Variants in JAZF1 observed in about 807,000 individuals in gnomAD.
The protein encoded by JAZF1 is JAZF zinc finger 1, also known as juxtaposed with another zinc finger protein 1.
A neutral mutation model predicts 26.4 loss-of-function variants in JAZF1; 8 were observed. The observed-to-expected ratio is 0.30, with a 90% CI of 0.18 to 0.55. The LOEUF (loss-of-function observed/expected upper bound fraction) is 0.55. Ranked by LOEUF, JAZF1 falls within the 20% of genes least tolerant of loss-of-function variation. The pLI is 0.94. For synonymous variants in JAZF1, 126 were observed against 122.3 expected (o/e 1.03, Z -0.20); for missense variants, 199 against 322.0 (o/e 0.62, Z 2.92).
At position 27,956,515 on chromosome 7, in the gene JAZF1, T is replaced by G. The variant is rs550129227; in HGVS notation, c.188+35394A>C. On this transcript the variant is annotated intron_variant, in intron 2 of 4. Transcript: ENST00000283928. ...ACTTGCTCATTATTATTCCCTAATA[T>G]CCCCTCCACTTGGAATCTTCATTTA... Among the ~76,000 whole-genome samples, 24 of 152,292 alleles carry G rather than the reference T, an allele frequency of 1.6e-4. No individual in the cohort carries two copies. The South Asian group carries it at 4.6e-3, about 29-fold the overall frequency.
intron 1 of JAZF1, among the ~76,000 whole-genome samples, chr7:28,031,968 C>A (rs992917278): frequency 6.6e-6 from 1 of 152,178 alleles, no homozygotes; most frequent in Non-Finnish European, 1.5e-5. Flanking sequence ...CACATGGGAA[C>A]CTGCAATGGG....
intron 1 of JAZF1, among the ~76,000 whole-genome samples, chr7:28,026,091 C>A (rs1783088836): frequency 6.6e-6 from 1 of 152,100 alleles, no homozygotes; most frequent in Non-Finnish European, 1.5e-5. Context: ...TCATAAGGAG[C>A]CCCTTTACCT....
chr7:28,035,130 G>A (rs760668055), intron 1 of JAZF1, among the ~76,000 whole-genome samples: 13 of 151,406 alleles, frequency 8.6e-5, no homozygotes, highest in Non-Finnish European at 1.5e-4. Flanking sequence ...CAGCCTGGCC[G>A]ACATGGTGAA....
At chr7:28,155,670 A>G (rs1050226597) in intron 1 of JAZF1, among the ~76,000 whole-genome samples, 1 of 152,214 alleles carries the variant, frequency 6.6e-6, no homozygotes, top group Admixed American at 6.5e-5. Flanking sequence ...TTCAGCAACT[A>G]CAACCTCCAC....
At chr7:27,883,661 A>T (rs1230070493) in intron 3 of JAZF1, among the ~76,000 whole-genome samples, 1 of 152,188 alleles carries the variant, frequency 6.6e-6, no homozygotes, top group Admixed American at 6.5e-5. Flanking sequence ...AATATTCTCA[A>T]TGTAAGGAAG....
chr7:27,930,835 A>ATTT (rs1330175378), intron 2 of JAZF1, among the ~76,000 whole-genome samples: 24 of 151,092 alleles, frequency 1.6e-4, no homozygotes, highest in East Asian at 1.4e-3. Flanking sequence ...ATTTTTTTTA[A>ATTT]AAAAAAAAGG....
chr7:28,150,039 AG>A (rs546584907), intron 1 of JAZF1, among the ~76,000 whole-genome samples: 68 of 152,302 alleles, frequency 4.5e-4, no homozygotes, highest in African/African-American at 1.6e-3. Flanking sequence ...CTTTGAAGAT[AG>A]GTTTTCTGAA....
chr7:27,945,804 T>C (rs555611357), intron 2 of JAZF1, among the ~76,000 whole-genome samples: 3 of 152,352 alleles, frequency 2.0e-5, no homozygotes, highest in African/African-American at 2.4e-5. Context: ...TCTAGAATTC[T>C]GGGCCAATTC....
At chr7:28,127,913 T>C (rs972347620) in intron 1 of JAZF1, among the ~76,000 whole-genome samples, 40 of 152,018 alleles carry the variant, frequency 2.6e-4, no homozygotes, top group Admixed American at 2.6e-3. Context: ...TCATGAGAAG[T>C]GCCCTCATGA....
intron 2 of JAZF1, among the ~76,000 whole-genome samples, chr7:27,991,439 T>C (rs1785901447): frequency 6.6e-6 from 1 of 152,180 alleles, no homozygotes; most frequent in Non-Finnish European, 1.5e-5. Context: ...CAAGTTACTC[T>C]ACAGCTGGGG....
chr7:28,015,193 G>A (rs1461972946), intron 1 of JAZF1, among the ~76,000 whole-genome samples: 2 of 152,020 alleles, frequency 1.3e-5, no homozygotes, highest in African/African-American at 2.4e-5. Flanking sequence ...GCTTTTCTTG[G>A]GCAAGTCCAA....
chr7:28,138,801 G>C (rs988980407), intron 1 of JAZF1, among the ~76,000 whole-genome samples: 7 of 152,116 alleles, frequency 4.6e-5, no homozygotes, highest in African/African-American at 1.7e-4. Flanking sequence ...ACCTGGGCTC[G>C]GGCCCCAGAC....
At chr7:27,875,509 C>T (rs758807931) in intron 3 of JAZF1, among the ~76,000 whole-genome samples, 2 of 152,152 alleles carry the variant, frequency 1.3e-5, no homozygotes, top group Non-Finnish European at 2.9e-5. Context: ...GGGCATGTTT[C>T]CCCCACCCCA....
chr7:28,084,650 C>T (rs895068920), intron 1 of JAZF1, among the ~76,000 whole-genome samples: 4 of 152,180 alleles, frequency 2.6e-5, no homozygotes, highest in Non-Finnish European at 4.4e-5. Context: ...GTGACCCCAC[C>T]CCACAGCGGG....
chr7:28,108,872 T>TA (rs1404549099), intron 1 of JAZF1, among the ~76,000 whole-genome samples: 1 of 152,026 alleles, frequency 6.6e-6, no homozygotes, highest in Admixed American at 6.6e-5. Flanking sequence ...TATTCAGTCA[T>TA]AAAAAAAGGA....
intron 1 of JAZF1, among the ~76,000 whole-genome samples, chr7:28,108,402 G>T (rs1013212578): frequency 9.9e-5 from 15 of 152,148 alleles, no homozygotes; most frequent in Non-Finnish European, 2.1e-4. Context: ...TGGCAGGATA[G>T]CCCCTGCCCT....
intron 3 of JAZF1, among the ~76,000 whole-genome samples, chr7:27,865,724 G>C (rs947262129): frequency 2.6e-5 from 4 of 152,090 alleles, no homozygotes; most frequent in African/African-American, 7.2e-5. Context: ...GTTTAACCGG[G>C]GAGCAGAGCT....
At chr7:28,024,479 G>C (rs948372146) in intron 1 of JAZF1, among the ~76,000 whole-genome samples, 22 of 152,082 alleles carry the variant, frequency 1.4e-4, no homozygotes, top group African/African-American at 5.1e-4. Context: ...ACCAGGTGTG[G>C]GCATGTGTGT....
chr7:28,055,569 G>GA (rs1783691145), intron 1 of JAZF1, among the ~76,000 whole-genome samples: 2 of 152,070 alleles, frequency 1.3e-5, no homozygotes, highest in African/African-American at 4.8e-5. Flanking sequence ...TACTCTAATA[G>GA]TAACAGCAAG....
Sources: gnomAD v4.1 joint callset for allele counts (sites outside exome capture counted in the v4.1 genomes callset) on GRCh38, gnomAD v4.1.1 for gene constraint, MANE v1.5 for transcripts, NCBI Gene and HGNC (gene_info 2026-07-23, HGNC 2026-07-21) for gene names.